Variants in MYO6 observed in about 807,000 individuals in gnomAD.
MYO6 encodes myosin VI, also known as unconventional myosin-VI.
In MYO6, 74 loss-of-function variants were observed where a neutral mutation model predicts 178.7. The ratio of observed to expected loss-of-function variants is 0.41; its 90% CI spans 0.34 to 0.50. The LOEUF is 0.50. MYO6 is among the 20% of genes least tolerant of loss of function. The pLI is 0.09. For synonymous variants in MYO6, 477 were observed against 504.6 expected, an observed-to-expected ratio of 0.95 and a Z score of 0.73; for missense variants, 1,330 against 1,547.4, an observed-to-expected ratio of 0.86 and a Z score of 2.36.
intron 3 of MYO6, among the ~76,000 whole-genome samples, chr6:75,826,944 A>C (rs1772533584): frequency 6.6e-6 from 1 of 152,120 alleles, no homozygotes; most frequent in African/African-American, 2.4e-5. Context: ...GTGAGGTGAA[A>C]GTGAACTGGC....
At chr6:75,860,267 C>T (rs1420391265) in intron 14 of MYO6, among the ~76,000 whole-genome samples, 1 of 152,150 alleles carries the variant, frequency 6.6e-6, no homozygotes, top group African/African-American at 2.4e-5. Context: ...TACTTACATT[C>T]TGTAGTTAAA....
intron 1 of MYO6, among the ~76,000 whole-genome samples, chr6:75,790,659 G>A (rs970927149): frequency 9.9e-5 from 15 of 152,150 alleles, no homozygotes; most frequent in African/African-American, 1.7e-4. Flanking sequence ...GATTACAGGC[G>A]TAAGCCACTT....
intron 1 of MYO6, among the ~76,000 whole-genome samples, chr6:75,787,903 G>C (rs566648208): frequency 6.7e-6 from 1 of 150,336 alleles, no homozygotes; most frequent in South Asian, 2.1e-4. Flanking sequence ...GGGACTACAG[G>C]TATGCACCAC....
chr6:75,886,661 G>A (rs892906658), intron 24 of MYO6, among the ~76,000 whole-genome samples, 183 bp from the exon 25 acceptor site: 5 of 152,060 alleles, frequency 3.3e-5, no homozygotes, highest in African/African-American at 1.2e-4. Context: ...CCATTGACAG[G>A]CATCAGTGTC....
intron 1 of MYO6, among the ~76,000 whole-genome samples, chr6:75,796,973 T>C (rs1024485082): frequency 2.0e-5 from 3 of 152,236 alleles, no homozygotes; most frequent in African/African-American, 7.2e-5. Context: ...ATATTTTCTT[T>C]ATCCAGTCCA....
At chr6:75,843,189 G>A (rs1774410275) in intron 9 of MYO6, among the ~76,000 whole-genome samples, 1 of 152,140 alleles carries the variant, frequency 6.6e-6, no homozygotes, top group Non-Finnish European at 1.5e-5. Flanking sequence ...TTATAATTGA[G>A]AGATCAGGTT....
intron 32 of MYO6, among the ~76,000 whole-genome samples, chr6:75,909,724 G>T (rs764215974): frequency 6.6e-6 from 1 of 152,124 alleles, no homozygotes; most frequent in Non-Finnish European, 1.5e-5. Flanking sequence ...TAACATCAAG[G>T]TGACAGCAGA....
intron 30 of MYO6, among the ~76,000 whole-genome samples, chr6:75,907,014 C>T (rs1005234439): frequency 1.2e-4 from 18 of 152,048 alleles, no homozygotes; most frequent in African/African-American, 3.9e-4. Flanking sequence ...AGATTCCATC[C>T]GTTCTTTTAG....
intron 17 of MYO6, 78 bp downstream of exon 17, chr6:75,866,699 G>A: frequency 7.7e-7 from 1 of 1,291,574 alleles, no homozygotes; most frequent in Non-Finnish European, 1.1e-6. Flanking sequence ...CTAGTCACGT[G>A]GTTATTAATT....
intron 4 of MYO6, 149 bp from the exon 5 acceptor site, chr6:75,830,266 GA>G (rs1772947504): frequency 4.6e-6 from 3 of 658,950 alleles, no homozygotes; most frequent in Non-Finnish European, 7.8e-6. Context: ...AAAGATCAGG[GA>G]ATACTCAGGG....
intron 28 of MYO6, among the ~76,000 whole-genome samples, chr6:75,894,417 A>G (rs1779132990): frequency 1.3e-5 from 2 of 152,322 alleles, no homozygotes; most frequent in South Asian, 4.1e-4. Flanking sequence ...GTTCAGGCCT[A>G]GGGGTGGTAT....
In MYO6 at chr6:75,756,004, A is replaced by G. The variant is rs1461930233; in HGVS notation, c.-48+6581A>G. 2.6e-5 allele frequency among the ~76,000 whole-genome samples: 4 copies of G among 152,342 alleles called. No individual in the cohort carries two copies. The East Asian group carries it at 7.7e-4, about 29-fold the overall frequency. On this transcript the variant is annotated intron_variant, in intron 1 of 34. Coordinates refer to ENST00000369977, the MANE Select transcript of MYO6 (RefSeq NM_004999.4). ...TGACCTATCTGTCGAAGACTCCCAG[A>G]CTATTGGGTTATGGCGCTGTTACCA...
Position 75,817,638 on chromosome 6 carries a change from A to G in MYO6, c.91A>G (p.Ile31Val), listed in dbSNP as rs775035511. 2.2e-5 allele frequency: 36 copies of G among 1,614,056 alleles called. No homozygotes were observed. Among genetic ancestry groups the G allele is most frequent in the Middle Eastern group, 3.3e-4 (2 of 6,084 alleles). ...GGATATTGGCCCCGACAGCTTAACA[A>G]TTGAACCCTTGAATCAGAAAGGCAA... Reference protein sequence around the residue: ...IVDIGPDSLTIEPLNQKGKTF... With the variant: ...IVDIGPDSLTVEPLNQKGKTF... Residue 31 changes from isoleucine to valine, a missense_variant, in exon 2 of 35, where the codon ATT becomes GTT. Physicochemically the swap from Ile to Val is conservative, Grantham distance 29. Transcript: ENST00000369977.
intron 33 of MYO6, among the ~76,000 whole-genome samples, chr6:75,912,793 G>A (rs1198949871): frequency 2.0e-5 from 3 of 152,082 alleles, no homozygotes; most frequent in East Asian, 1.9e-4. Context: ...GAAAACAGGA[G>A]CAAAAGAATA....
intron 34 of MYO6, 36 bp downstream of exon 34, chr6:75,914,317 CA>C: frequency 6.4e-7 from 1 of 1,563,950 alleles, no homozygotes; most frequent in Non-Finnish European, 8.8e-7. Flanking sequence ...AATTATAGAA[CA>C]AAAAAGATCA....
intron 26 of MYO6, 21 bp from the exon 27 acceptor site, chr6:75,891,205 AAG>A: frequency 6.6e-7 from 1 of 1,504,116 alleles, no homozygotes; most frequent in Non-Finnish European, 9.2e-7. Context: ...TAAATTTTTG[AAG>A]AGTTTTCTAT....
chr6:75,815,314 A>T (rs891567704), intron 1 of MYO6, among the ~76,000 whole-genome samples: 2 of 152,184 alleles, frequency 1.3e-5, no homozygotes, highest in East Asian at 1.9e-4. Context: ...CTTCACTGAT[A>T]CTAAGGAAGA....
rs1001320073 is a variant in MYO6, at chr6:75,916,857, G to A, written c.*1845G>A. The A allele has an allele frequency of 3.9e-5, 6 of 152,146 alleles. No individual in the cohort carries two copies. In the East Asian group the frequency reaches 1.2e-3, roughly 29 times the overall value. 9.4% of individuals were successfully genotyped at this position (152,146 alleles called of 1,614,324 possible). Reference sequence around the variant, plus strand: ...AATGTTTCAGAAATTTGTAAGAAATGTATCACAGCAAAGGGTTGTTATAAG... The same window carrying A: ...AATGTTTCAGAAATTTGTAAGAAATATATCACAGCAAAGGGTTGTTATAAG... On this transcript the variant is annotated 3_prime_UTR_variant, in exon 35 of 35. Transcript: ENST00000369977.
At chr6:75,764,578 T>C (rs889606832) in intron 1 of MYO6, among the ~76,000 whole-genome samples, 1 of 152,174 alleles carries the variant, frequency 6.6e-6, no homozygotes, top group African/African-American at 2.4e-5. Context: ...CTGGAGGGTA[T>C]AAACTGCCTA....
Sources: gnomAD v4.1 joint callset for allele counts (sites outside exome capture counted in the v4.1 genomes callset) on GRCh38, gnomAD v4.1.1 for gene constraint, MANE v1.5 for transcripts, NCBI Gene and HGNC (gene_info 2026-07-23, HGNC 2026-07-21) for gene names.